The following PRDM16 variants were observed in gnomAD, a reference collection of about 807,000 sequenced individuals.
PRDM16 encodes the protein PR/SET domain 16.
Under a neutral mutation model 110.6 loss-of-function variants are expected in PRDM16, and 23 were observed. The observed-to-expected ratio is 0.21, with a 90% CI of 0.15 to 0.29. PRDM16 has a LOEUF of 0.29. Ranked by LOEUF, PRDM16 falls within the 10% of genes least tolerant of loss-of-function variation. PRDM16 has a pLI of 1.00. For missense variants in PRDM16, 1,615 were observed against 1,794.3 expected (o/e 0.90, Z 1.81); for synonymous variants, 799 against 781.8 (o/e 1.02, Z -0.37).
chr1:3,385,002 C>T lies in PRDM16; in HGVS notation c.439-150C>T, dbSNP rs925030828. The T allele has an allele frequency of 7.2e-5, 66 of 920,008 alleles. 1 individual carries two copies. The highest frequency in any genetic ancestry group is 9.3e-5 in the Non-Finnish European group (55 of 593,958). 57.0% of individuals were successfully genotyped at this position (920,008 alleles called of 1,614,324 possible). A position where few individuals can be genotyped will look rare whatever the true frequency, so the allele number is the denominator to read the frequency against. On this transcript the variant is annotated intron_variant, in intron 3 of 16. Coordinates refer to ENST00000270722, the MANE Select transcript of PRDM16 (RefSeq NM_022114.4). ...GGCAGGCTGGGTGGGCTGGGAGCCC[C>T]GCTGATGCCCGGAGGGTGGGCTGAG...
chr1:3,277,097 C>T (rs1640603261), intron 3 of PRDM16, among the ~76,000 whole-genome samples: 1 of 152,180 alleles, frequency 6.6e-6, no homozygotes, highest in African/African-American at 2.4e-5. Context: ...TTGACACCAG[C>T]CATTCGTCAC....
chr1:3,224,745 C>T (rs547946975), intron 2 of PRDM16, among the ~76,000 whole-genome samples: 24 of 152,364 alleles, frequency 1.6e-4, no homozygotes, highest in African/African-American at 5.5e-4. Flanking sequence ...CACAGGATGA[C>T]AGGGGGAACC....
chr1:3,415,129 G>A (rs1211154674), intron 10 of PRDM16, among the ~76,000 whole-genome samples: 1 of 152,192 alleles, frequency 6.6e-6, no homozygotes, highest in Non-Finnish European at 1.5e-5. Flanking sequence ...TGGGCAGGGG[G>A]TCTGGAAAGA....
At chr1:3,326,913 A>G (rs1641925728) in intron 3 of PRDM16, among the ~76,000 whole-genome samples, 2 of 152,172 alleles carry the variant, frequency 1.3e-5, no homozygotes, top group African/African-American at 4.8e-5. Flanking sequence ...TCTCTGAGGG[A>G]AAATCCCTCT....
intron 10 of PRDM16, among the ~76,000 whole-genome samples, chr1:3,415,941 G>A (rs947940888): frequency 2.0e-5 from 3 of 152,376 alleles, no homozygotes; most frequent in Non-Finnish European, 4.4e-5. Context: ...TCCGGGCTGC[G>A]GAGGGGCTGG....
At chr1:3,357,179 C>T (rs971344966) in intron 3 of PRDM16, among the ~76,000 whole-genome samples, 9 of 152,166 alleles carry the variant, frequency 5.9e-5, no homozygotes, top group African/African-American at 2.2e-4. Context: ...GCCTCAGCAG[C>T]CAGTCCACCT....
chr1:3,364,846 A>G (rs527877853), intron 3 of PRDM16, among the ~76,000 whole-genome samples: 2 of 152,312 alleles, frequency 1.3e-5, no homozygotes, highest in Admixed American at 6.5e-5. Flanking sequence ...AGGAAGCAGC[A>G]TGTTTTCGGG....
intron 3 of PRDM16, among the ~76,000 whole-genome samples, chr1:3,366,564 C>T (rs1312408938): frequency 6.6e-6 from 1 of 152,176 alleles, no homozygotes; most frequent in African/African-American, 2.4e-5. Context: ...AATATCAATT[C>T]AGAAAGGGGC....
rs1490794781 is a variant in PRDM16, at chr1:3,430,913, G to A, written c.3326G>A (p.Gly1109Asp). 5 of 1,614,156 alleles carry A rather than the reference G, an allele frequency of 3.1e-6. No individual in the cohort carries two copies. The highest frequency in any genetic ancestry group is 4.2e-6 in the Non-Finnish European group (5 of 1,180,032). Residue 1109 changes from glycine to aspartate, a missense_variant, in exon 15 of 17, where the codon GGC (glycine) becomes GAC (aspartate). Transcript: ENST00000270722. ...GTGGACGGCAGTGCCCAGTGTCCAG[G>A]CCTAGCCAGTGAGAAGCAGGAGGAC... Reference protein sequence around the residue: ...QIVDGSAQCPGLASEKQEDVE... With the variant: ...QIVDGSAQCPDLASEKQEDVE...
chr1:3,085,178 CA>C (rs970296734), intron 1 of PRDM16, among the ~76,000 whole-genome samples: 1 of 152,208 alleles, frequency 6.6e-6, no homozygotes, highest in Admixed American at 6.5e-5. Flanking sequence ...TGGACACCAC[CA>C]TGTGCAGAGG....
In PRDM16 at chr1:3,201,379, G is replaced by T. The variant is rs1053308044; in HGVS notation, c.387+14905G>T. ...CTCGGCGCTCAGAGGCGGGTGTCCA[G>T]TCCCCAGAGAGGTGGCCTTCAAGTC... On this transcript the variant is annotated intron_variant, in intron 2 of 16. Coordinates refer to ENST00000270722, the MANE Select transcript of PRDM16 (RefSeq NM_022114.4). This position sits in a 1 kb window ranked among gnomAD's most constrained non-coding sequence, Gnocchi z 4.1. Among the ~76,000 whole-genome samples the T allele has an allele frequency of 1.3e-5, 2 of 152,120 alleles. No homozygotes were observed. The highest frequency in any genetic ancestry group is 2.9e-5 in the Non-Finnish European group (2 of 68,006).
At chr1:3,252,734 C>T (rs1557559406) in intron 3 of PRDM16, among the ~76,000 whole-genome samples, 1 of 152,036 alleles carries the variant, frequency 6.6e-6, no homozygotes, top group East Asian at 1.9e-4. Flanking sequence ...TTCCTGGGGC[C>T]GACTGTGATC....
At chr1:3,396,201 T>G (rs1159947911) in intron 4 of PRDM16, 3 of 494,108 alleles carry the variant, frequency 6.1e-6, no homozygotes, top group African/African-American at 1.9e-5. Flanking sequence ...GGGGCTCTGC[T>G]GTGCCCCCAG....
At chr1:3,289,984 C>T (rs972996532) in intron 3 of PRDM16, among the ~76,000 whole-genome samples, 1 of 152,040 alleles carries the variant, frequency 6.6e-6, no homozygotes, top group African/African-American at 2.4e-5. Context: ...CACTCCCACC[C>T]CAGGCGCCAG....
intron 3 of PRDM16, among the ~76,000 whole-genome samples, chr1:3,325,355 C>T (rs1338283068): frequency 6.6e-6 from 1 of 152,182 alleles, no homozygotes; most frequent in Non-Finnish European, 1.5e-5. Flanking sequence ...TGAGCATCAG[C>T]TCTCTCTGGG....
chr1:3,221,408 GC>G (rs1639147999), intron 2 of PRDM16, among the ~76,000 whole-genome samples: 1 of 152,210 alleles, frequency 6.6e-6, no homozygotes, highest in Non-Finnish European at 1.5e-5. Flanking sequence ...AGATGCAAAA[GC>G]TGCTTGGATT....
chr1:3,396,378 A>T, intron 4 of PRDM16, 113 bp from the exon 5 acceptor site: 1 of 726,430 alleles, frequency 1.4e-6, no homozygotes, highest in Middle Eastern at 2.3e-4. Context: ...ATTAGAGGAA[A>T]ATCAAGTGCA....
chr1:3,115,650 C>T (rs1249014726), intron 1 of PRDM16, among the ~76,000 whole-genome samples: 1 of 152,026 alleles, frequency 6.6e-6, no homozygotes, highest in Non-Finnish European at 1.5e-5. Flanking sequence ...CTTGGCATCC[C>T]CTGAGTGATG....
chr1:3,434,661 G>A lies in PRDM16; in HGVS notation c.*850G>A, dbSNP rs538895573. ...GTGACATGGAATTGGTGTCAGGACC[G>A]CCACGTGGCCTTCAGAGGAATCCAC... On this transcript the variant is annotated 3_prime_UTR_variant, in exon 17 of 17. Transcript: ENST00000270722. 6.5e-5 allele frequency: 15 copies of A among 232,270 alleles called. No homozygotes were observed. In the South Asian group the frequency reaches 1.3e-3, roughly 20 times the overall value. 14.4% of individuals were successfully genotyped at this position (232,270 alleles called of 1,614,324 possible). A position where few individuals can be genotyped will look rare whatever the true frequency, so the allele number is the denominator to read the frequency against.
Sources: allele counts gnomAD v4.1 joint callset (sites outside exome capture counted in the v4.1 genomes callset), GRCh38; gene constraint gnomAD v4.1.1; non-coding constraint Gnocchi (gnomAD v3.1); transcripts MANE v1.5; gene names NCBI Gene and HGNC (gene_info 2026-07-23, HGNC 2026-07-21).